TTC7A: variants seen among roughly 807,000 people sequenced by gnomAD.
TTC7A encodes the protein tetratricopeptide repeat protein 7A.
TTC7A carries 110 observed loss-of-function variants against 103.7 expected under a neutral mutation model. That is an observed-to-expected ratio of 1.06 (90% CI 0.91 to 1.24). TTC7A has a LOEUF of 1.24. Among genes scored for constraint, TTC7A ranks in the 50% most tolerant of loss-of-function variants. The probability of loss-of-function intolerance (pLI) is 0.00; values close to 1 mark genes in which losing one functional copy is unlikely to be tolerated. For missense variants in TTC7A, 1,340 were observed against 1,116.3 expected, an observed-to-expected ratio of 1.20 and a Z score of -2.86; for synonymous variants, 521 against 467.9, an observed-to-expected ratio of 1.11 and a Z score of -1.47.
At chr2:46,920,832 A>G (rs1208092653) in intron 2 of TTC7A, among the ~76,000 whole-genome samples, 1 of 152,132 alleles carries the variant, frequency 6.6e-6, no homozygotes, top group Non-Finnish European at 1.5e-5. Flanking sequence ...TATTACTCTC[A>G]CATTAAAATG....
At chr2:46,921,743 C>G (rs1261186561) in intron 2 of TTC7A, among the ~76,000 whole-genome samples, 1 of 152,214 alleles carries the variant, frequency 6.6e-6, no homozygotes, top group Admixed American at 6.5e-5. Flanking sequence ...CAAAATGAAA[C>G]TGTTCTACCT....
chr2:47,054,252 TGTAACAG>T, intron 18 of TTC7A: 1 of 772,766 alleles, frequency 1.3e-6, no homozygotes, highest in Non-Finnish European at 1.5e-6. Context: ...TTCTTTCTCA[TGTAACAG>T]TTTACAGTTT....
In TTC7A at chr2:47,074,048, C is replaced by G. The variant is rs1573118827; in HGVS notation, c.*125C>G. 1.4e-6 allele frequency: 1 copy of G among 699,560 alleles called. No homozygotes were observed. The highest frequency in any genetic ancestry group is 1.9e-5 in the South Asian group (1 of 53,382). 43.3% of individuals were successfully genotyped at this position (699,560 alleles called of 1,614,324 possible). A position where few individuals can be genotyped will look rare whatever the true frequency, so the allele number is the denominator to read the frequency against. ...AGGGAAATACATCTTTAGTGAACGC[C>G]TCTGCAGCTGCAGCCCTCGTTCTCT... On this transcript the variant is annotated 3_prime_UTR_variant, in exon 20 of 20. Transcript: ENST00000319190.
intron 5 of TTC7A, among the ~76,000 whole-genome samples, chr2:46,986,548 G>T (rs1039437986): frequency 6.6e-6 from 1 of 152,126 alleles, no homozygotes; most frequent in Non-Finnish European, 1.5e-5. Flanking sequence ...GTGCTGCCTG[G>T]GGTGGGGTGG....
intron 2 of TTC7A, among the ~76,000 whole-genome samples, chr2:46,933,139 C>T (rs891342107): frequency 6.6e-6 from 1 of 152,146 alleles, no homozygotes; most frequent in African/African-American, 2.4e-5. Flanking sequence ...TCATGGGCTC[C>T]TGCTCTGGAG....
chr2:47,066,741 A>G (rs1684211790), intron 19 of TTC7A, among the ~76,000 whole-genome samples: 1 of 152,140 alleles, frequency 6.6e-6, no homozygotes, highest in African/African-American at 2.4e-5. Flanking sequence ...TTTTTTGTAG[A>G]GACAAGGTCT....
At chr2:46,981,756 G>A (rs1157209309) in intron 5 of TTC7A, among the ~76,000 whole-genome samples, 1 of 152,218 alleles carries the variant, frequency 6.6e-6, no homozygotes, top group Non-Finnish European at 1.5e-5. Context: ...TTCTGGCCCA[G>A]GCAGCTTTTC....
At chr2:46,985,187 C>A (rs920797965) in intron 5 of TTC7A, among the ~76,000 whole-genome samples, 6 of 152,090 alleles carry the variant, frequency 3.9e-5, no homozygotes, top group African/African-American at 1.4e-4. Flanking sequence ...AGCTCCACCC[C>A]CTCCCTTCCT....
intron 18 of TTC7A, among the ~76,000 whole-genome samples, chr2:47,052,871 G>T (rs1160957046): frequency 1.3e-5 from 2 of 152,168 alleles, no homozygotes; most frequent in African/African-American, 4.8e-5. Flanking sequence ...CATCATGGGG[G>T]TGTGCTATTG....
intron 15 of TTC7A, among the ~76,000 whole-genome samples, chr2:47,042,572 C>T (rs1369231783): frequency 1.3e-5 from 2 of 152,038 alleles, no homozygotes; most frequent in African/African-American, 2.4e-5. Context: ...TGCAGTTTCT[C>T]GGAATAACCA....
At chr2:46,929,410 G>A (rs1484331038) in intron 2 of TTC7A, among the ~76,000 whole-genome samples, 1 of 152,112 alleles carries the variant, frequency 6.6e-6, no homozygotes, top group Non-Finnish European at 1.5e-5. Flanking sequence ...CTTGAGCCCA[G>A]AAGTTTGGGG....
At chr2:46,958,498 G>A (rs1335606278) in intron 3 of TTC7A, 1 of 1,304,246 alleles carries the variant, frequency 7.7e-7, no homozygotes, top group Non-Finnish European at 1.0e-6. Flanking sequence ...TTTCCAGCAT[G>A]CCTCCGGCTT....
At chr2:47,072,528 G>T (rs952121580) in intron 19 of TTC7A, among the ~76,000 whole-genome samples, 3 of 152,244 alleles carry the variant, frequency 2.0e-5, no homozygotes, top group African/African-American at 7.2e-5. Flanking sequence ...GCAACAGAGG[G>T]CCTAACTCTG....
intron 18 of TTC7A, among the ~76,000 whole-genome samples, chr2:47,054,572 C>T (rs940018221): frequency 1.3e-5 from 2 of 152,020 alleles, no homozygotes; most frequent in Admixed American, 6.5e-5. Context: ...GTGGCTCATG[C>T]CCGTAATCCG....
chr2:46,951,481 GA>G (rs1671399230), intron 2 of TTC7A: 2 of 441,322 alleles, frequency 4.5e-6, no homozygotes, highest in Admixed American at 4.8e-5. Context: ...AGAGGAGGGG[GA>G]GGGGGTAAAA....
At chr2:47,004,199 A>C (rs58268841) in intron 8 of TTC7A, among the ~76,000 whole-genome samples, 2,498 of 152,222 alleles carry the variant, frequency 0.016, 68 homozygotes, top group African/African-American at 0.056. Flanking sequence ...GCACTCACCA[A>C]CTGTGGCAAC....
intron 2 of TTC7A, among the ~76,000 whole-genome samples, chr2:46,930,356 C>A (rs1026462933): frequency 6.7e-6 from 1 of 149,764 alleles, no homozygotes; most frequent in Non-Finnish European, 1.5e-5. Context: ...ATAAATTCTA[C>A]GAACACTTAA....
intron 4 of TTC7A, among the ~76,000 whole-genome samples, chr2:46,977,805 T>A (rs1674022578): frequency 6.6e-6 from 1 of 152,188 alleles, no homozygotes; most frequent in South Asian, 2.1e-4. Flanking sequence ...ACTCCTGGCC[T>A]CAAGCGATTC....
At chr2:46,959,016 G>A (rs188061106) in intron 3 of TTC7A, among the ~76,000 whole-genome samples, 19 of 152,238 alleles carry the variant, frequency 1.2e-4, no homozygotes, top group Admixed American at 2.6e-4. Context: ...ATTCTATGTC[G>A]CGGATGAGGA....
Sources: gnomAD v4.1 joint callset for allele counts (sites outside exome capture counted in the v4.1 genomes callset) on GRCh38, gnomAD v4.1.1 for gene constraint, MANE v1.5 for transcripts, NCBI Gene and HGNC (gene_info 2026-07-23, HGNC 2026-07-21) for gene names.